Variants in SLCO6A1 observed in about 807,000 individuals in gnomAD.
SLCO6A1 encodes the protein cancer/testis antigen 48.
SLCO6A1 carries 65 observed loss-of-function variants against 72.7 expected under a neutral mutation model. That is an observed-to-expected ratio of 0.89 (90% CI 0.73 to 1.10). The LOEUF (loss-of-function observed/expected upper bound fraction) is 1.10. Ranked by LOEUF, SLCO6A1 falls within the 50% of genes least tolerant of loss-of-function variation. The pLI is 0.00. For synonymous variants in SLCO6A1, 314 were observed against 298.2 expected, an observed-to-expected ratio of 1.05 and a Z score of -0.55; for missense variants, 874 against 872.6, an observed-to-expected ratio of 1.00 and a Z score of -0.02.
At chr5:102,425,206 G>T (rs1748824534) in intron 7 of SLCO6A1, among the ~76,000 whole-genome samples, 1 of 151,962 alleles carries the variant, frequency 6.6e-6, no homozygotes. Context: ...TTGAAAACTG[G>T]CACAAGACAA....
At chr5:102,388,868 A>C (rs1372209260) in intron 11 of SLCO6A1, 43 bp from the exon 12 acceptor site, 11 of 1,559,328 alleles carry the variant, frequency 7.1e-6, no homozygotes. Context: ...TGAAAACACT[A>C]TTCTCTTAAA....
chr5:102,488,545 G>C (rs977833107), intron 1 of SLCO6A1, among the ~76,000 whole-genome samples: 2 of 152,156 alleles, frequency 1.3e-5, no homozygotes, highest in Admixed American at 6.6e-5. Context: ...GAATATGAAA[G>C]TTAAAAAATA....
intron 7 of SLCO6A1, among the ~76,000 whole-genome samples, chr5:102,437,767 CT>C (rs968534484): frequency 5.9e-5 from 9 of 151,982 alleles, no homozygotes; most frequent in Non-Finnish European, 1.2e-4. Flanking sequence ...TCATTCCTTT[CT>C]TTTTTTAATT....
chr5:102,426,828 T>C (rs1362982772), intron 7 of SLCO6A1, among the ~76,000 whole-genome samples: 1 of 152,210 alleles, frequency 6.6e-6, no homozygotes, highest in East Asian at 1.9e-4. Context: ...AGTATGTTTA[T>C]TGCAGCACTA....
intron 9 of SLCO6A1, among the ~76,000 whole-genome samples, chr5:102,411,966 C>T (rs1748009456): frequency 6.6e-6 from 1 of 152,090 alleles, no homozygotes; most frequent in Non-Finnish European, 1.5e-5. Context: ...AAATATTTGT[C>T]ATCTGTTGTC....
intron 10 of SLCO6A1, among the ~76,000 whole-genome samples, chr5:102,391,465 T>C (rs955323861): frequency 6.6e-6 from 1 of 152,238 alleles, no homozygotes; most frequent in Non-Finnish European, 1.5e-5. Context: ...CTGAGGTAAA[T>C]GGACTATATC....
chr5:102,459,010 T>G (rs537505522), intron 5 of SLCO6A1, among the ~76,000 whole-genome samples: 1 of 152,156 alleles, frequency 6.6e-6, no homozygotes, highest in Non-Finnish European at 1.5e-5. Context: ...CATTAAATGC[T>G]AGGTAAGTAG....
At chr5:102,372,280 C>G (rs919135780) in intron 13 of SLCO6A1, among the ~76,000 whole-genome samples, 157 bp from the exon 14 acceptor site, 10 of 151,950 alleles carry the variant, frequency 6.6e-5, no homozygotes, top group African/African-American at 1.9e-4. Context: ...TTTTCTTCTG[C>G]TAGCCACGAC....
intron 9 of SLCO6A1, among the ~76,000 whole-genome samples, chr5:102,409,044 G>C (rs17150287): frequency 0.072 from 10,865 of 151,926 alleles, 447 homozygotes; most frequent in African/African-American, 0.1. Flanking sequence ...AATCAGTCTT[G>C]GGGAGATCAC....
At chr5:102,496,722 A>G (rs1324032741) in intron 1 of SLCO6A1, among the ~76,000 whole-genome samples, 5 of 152,176 alleles carry the variant, frequency 3.3e-5, no homozygotes, top group Non-Finnish European at 5.9e-5. Context: ...ATATTTACTG[A>G]GTGTCTTCTA....
At chr5:102,470,814 T>C (rs1161803200) in intron 4 of SLCO6A1, among the ~76,000 whole-genome samples, 20 of 152,020 alleles carry the variant, frequency 1.3e-4, no homozygotes, top group Admixed American at 1.3e-3. Context: ...ATAATATGAC[T>C]TGTCTTAAGG....
chr5:102,483,322 CG>C lies in SLCO6A1; in HGVS notation c.359-2889del, dbSNP rs570946071. 8.3e-3 allele frequency among the ~76,000 whole-genome samples: 1,261 copies of C among 152,278 alleles called. 12 individuals are homozygous for C. The highest frequency in any genetic ancestry group is 0.015 in the Non-Finnish European group (1,008 of 68,026). ...GATGTACTGCTCAATGTTCTTTCCA[CG>C]GGGAGAATTTCCTTTTTCCTCTACT... On this transcript the variant is annotated intron_variant, in intron 1 of 13. Coordinates refer to ENST00000506729, the MANE Select transcript of SLCO6A1 (RefSeq NM_173488.5).
intron 12 of SLCO6A1, among the ~76,000 whole-genome samples, chr5:102,386,814 C>A (rs1746443771): frequency 6.6e-6 from 1 of 152,124 alleles, no homozygotes; most frequent in Non-Finnish European, 1.5e-5. Context: ...AGAGGGTCAG[C>A]CTAGAGCTGT....
chr5:102,415,341 T>C (rs1484760470), intron 8 of SLCO6A1, among the ~76,000 whole-genome samples: 1 of 152,170 alleles, frequency 6.6e-6, no homozygotes, highest in African/African-American at 2.4e-5. Context: ...AACAGCATTG[T>C]AGTGGTATAA....
intron 12 of SLCO6A1, among the ~76,000 whole-genome samples, chr5:102,380,078 G>T (rs1251417834): frequency 6.6e-6 from 1 of 151,832 alleles, no homozygotes; most frequent in Non-Finnish European, 1.5e-5. Context: ...TAGCAACTTT[G>T]CTGAATTCAT....
intron 7 of SLCO6A1, among the ~76,000 whole-genome samples, chr5:102,435,147 T>C (rs1243912141): frequency 1.3e-5 from 2 of 152,196 alleles, no homozygotes; most frequent in Non-Finnish European, 2.9e-5. Flanking sequence ...GTAGCTTTGC[T>C]GTGACCCTCT....
intron 1 of SLCO6A1, among the ~76,000 whole-genome samples, chr5:102,490,998 A>G (rs1229811244): frequency 6.6e-6 from 1 of 151,966 alleles, no homozygotes; most frequent in Non-Finnish European, 1.5e-5. Context: ...GCTCCATTTT[A>G]CAGAGAGCCG....
chr5:102,413,017 T>C lies in SLCO6A1; in HGVS notation c.1599A>G (p.Thr533=). ...EYFSPCFAGC[T]YSKAQNQKKM... ...TTTTTTGGTTTTGTGCTTTAGAATA[T>C]GTACACCCTGCAAAGCAGGGAGAAA... Residue 533 remains threonine (T), a synonymous_variant, in exon 9 of 14, where the codon ACA becomes ACG. Transcript: ENST00000506729. 6.5e-7 allele frequency: 1 copy of C among 1,531,874 alleles called. No homozygotes were observed. Among genetic ancestry groups the C allele is most frequent in the African/African-American group, 1.4e-5 (1 of 70,682 alleles). The allele number at this position is 1,531,874 out of a possible 1,614,324, so 94.9% of individuals were successfully genotyped here.
At chr5:102,453,987 G>A (rs548401374) in intron 6 of SLCO6A1, among the ~76,000 whole-genome samples, 1 of 152,344 alleles carries the variant, frequency 6.6e-6, no homozygotes, top group South Asian at 2.1e-4. Flanking sequence ...TCTCCTGAGT[G>A]TGTGAACCCT....
Sources: gnomAD v4.1 joint callset for allele counts (sites outside exome capture counted in the v4.1 genomes callset) on GRCh38, gnomAD v4.1.1 for gene constraint, MANE v1.5 for transcripts, NCBI Gene and HGNC (gene_info 2026-07-23, HGNC 2026-07-21) for gene names.